TEX48: variants seen among roughly 807,000 people sequenced by gnomAD.
The protein encoded by TEX48 is testis-expressed protein 48.
In TEX48, 10 loss-of-function variants were observed where a neutral mutation model predicts 13.2. The observed-to-expected ratio is 0.75, with a 90% CI of 0.47 to 1.28. The LOEUF is 1.28. TEX48 is among the 50% of genes most tolerant of loss of function. The pLI is 0.00. For synonymous variants in TEX48, 45 were observed against 52.3 expected (o/e 0.86, Z 0.60); for missense variants, 116 against 139.4 (o/e 0.83, Z 0.84).
At position 114,666,582 on chromosome 9, in the gene TEX48, G is replaced by T; in HGVS notation, c.*61C>A. ...TTCCGAATTAGTCTTCATGACTCCT[G>T]TCCACCGCCCTCTTCCTCATGGAGA... On this transcript the variant is annotated 3_prime_UTR_variant, in exon 5 of 5. Transcript: ENST00000436752. 1 of 953,944 alleles carries T rather than the reference G, an allele frequency of 1.0e-6. No individual in the cohort carries two copies. The highest frequency in any genetic ancestry group is 1.5e-6 in the Non-Finnish European group (1 of 648,726). 59.1% of individuals were successfully genotyped at this position (953,944 alleles called of 1,614,324 possible).
rs1400430611 is a variant in TEX48 at position 114,671,805 on chromosome 9, A to T, written c.-82T>A. 10 of 1,462,126 alleles carry T rather than the reference A, an allele frequency of 6.8e-6. No individual in the cohort carries two copies. The highest frequency in any genetic ancestry group is 8.3e-6 in the Non-Finnish European group (9 of 1,080,118). 90.6% of individuals were successfully genotyped at this position (1,462,126 alleles called of 1,614,324 possible). On this transcript the variant is annotated 5_prime_UTR_variant, in exon 2 of 5. Transcript: ENST00000436752. ...ATCAGCCAGTCTTGAGTTTGAGCCC[A>T]GTTCACTGGGCTGGGCTGTTTCCTA...
chr9:114,676,526 C>T (rs1828070371), intron 1 of TEX48, among the ~76,000 whole-genome samples: 1 of 151,770 alleles, frequency 6.6e-6, no homozygotes, highest in Non-Finnish European at 1.5e-5. Flanking sequence ...GAAAACCTGC[C>T]ATGTTCCAGG....
intron 1 of TEX48, among the ~76,000 whole-genome samples, chr9:114,672,574 A>G (rs1827968389): frequency 6.6e-6 from 1 of 152,210 alleles, no homozygotes; most frequent in African/African-American, 2.4e-5. Context: ...CATTATAGGC[A>G]CTTGAGTCCC....
chr9:114,666,983 G>A (rs1827853415), intron 4 of TEX48, among the ~76,000 whole-genome samples: 2 of 152,172 alleles, frequency 1.3e-5, no homozygotes, highest in African/African-American at 4.8e-5. Context: ...GTCTTGCAAA[G>A]CACAGTGATA....
intron 1 of TEX48, among the ~76,000 whole-genome samples, chr9:114,680,197 G>A (rs1024160897): frequency 6.9e-6 from 1 of 145,752 alleles, no homozygotes; most frequent in African/African-American, 2.6e-5. Context: ...GTGCGATCTC[G>A]GGTCACTGCA....
Position 114,668,238 on chromosome 9 carries a change from T to C in TEX48, c.227A>G (p.Lys76Arg). 1 of 1,535,684 alleles carries C rather than the reference T, an allele frequency of 6.5e-7. No homozygotes were observed. Among genetic ancestry groups the C allele is most frequent in the Non-Finnish European group, 8.7e-7 (1 of 1,146,878 alleles). ...CTCACTGCTGCTGGAGGAAGTGCTCTTTTTTGTCTGGATCAGGGGTGTTCT... is the reference window on the plus strand; with the variant it reads ...CTCACTGCTGCTGGAGGAAGTGCTCCTTTTTGTCTGGATCAGGGGTGTTCT... ...PSRTPLIQTK[K>R]STSSSSSEFE... The change falls in exon 4 of 5, where the codon AAG (lysine) becomes AGG (arginine). Residue 76 changes from lysine to arginine, a missense_variant. Physicochemically the swap from Lys to Arg is conservative, Grantham distance 26. Coordinates refer to ENST00000436752, the MANE Select transcript of TEX48 (RefSeq NM_001199233.2).
At chr9:114,674,792 C>T (rs1828031155) in intron 1 of TEX48, among the ~76,000 whole-genome samples, 1 of 151,600 alleles carries the variant, frequency 6.6e-6, no homozygotes, top group African/African-American at 2.4e-5. Context: ...CCTGCCTCAG[C>T]CTCCTGAGTA....
intron 1 of TEX48, among the ~76,000 whole-genome samples, chr9:114,676,248 C>T (rs749913744): frequency 3.9e-5 from 6 of 152,182 alleles, no homozygotes; most frequent in Non-Finnish European, 7.3e-5. Context: ...ACTCCAGCCT[C>T]ATCCTCCCAG....
chr9:114,668,349 A>G lies in TEX48; in HGVS notation c.128-12T>C. 6.5e-7 allele frequency: 1 copy of G among 1,535,480 alleles called. No individual in the cohort carries two copies. Among genetic ancestry groups the G allele is most frequent in the Non-Finnish European group, 8.7e-7 (1 of 1,146,752 alleles). Reference sequence around the variant, plus strand: ...CTGAAGCAGCAAATCTGGCAATGAGAATTCCACAGGGTCACGTGGGGGAGG... The same window carrying G: ...CTGAAGCAGCAAATCTGGCAATGAGGATTCCACAGGGTCACGTGGGGGAGG... On this transcript the variant is annotated splice_polypyrimidine_tract_variant and intron_variant, in intron 3 of 4. Coordinates refer to ENST00000436752, the MANE Select transcript of TEX48 (RefSeq NM_001199233.2).
At position 114,682,110 on chromosome 9, in the gene TEX48, A is replaced by G. The variant is rs1075372; in HGVS notation, c.-180T>C. 0.58 allele frequency: 87,614 copies of G among 152,322 alleles called. 25,480 individuals are homozygous for G. The highest frequency in any genetic ancestry group is 0.64 in the African/African-American group (26,701 of 41,398). The allele number at this position is 152,322 out of a possible 1,614,324, so 9.4% of individuals were successfully genotyped here. ...GGAACCAGGGAATGTTGGGGCTGGG[A>G]TGTTTGGACTGGACCACAACAGCGA... On this transcript the variant is annotated 5_prime_UTR_variant, in exon 1 of 5. Coordinates refer to ENST00000436752, the MANE Select transcript of TEX48 (RefSeq NM_001199233.2).
rs766309582 is a variant in TEX48 at position 114,669,283 on chromosome 9, A to T, written c.128-946T>A. 2.6e-5 allele frequency among the ~76,000 whole-genome samples: 4 copies of T among 151,916 alleles called. No homozygotes were observed. In the East Asian group the frequency reaches 7.7e-4, roughly 29 times the overall value. On this transcript the variant is annotated intron_variant, in intron 3 of 4. Transcript: ENST00000436752. The stretch of plus-strand genomic sequence containing the variant: ...AGTTCCAATGTTGTATTATTTATTT[A>T]TTTATTTATTTTTTTGAGAGAATCT...
chr9:114,668,958 C>T (rs1002660797), intron 3 of TEX48, among the ~76,000 whole-genome samples: 1 of 151,682 alleles, frequency 6.6e-6, no homozygotes, highest in African/African-American at 2.4e-5. Context: ...TGCCTCAGCC[C>T]CCCGAGTAGC....
rs140318606 is a variant in TEX48, at chr9:114,680,346, C to G, written c.-105+1689G>C. Among the ~76,000 whole-genome samples, 16 of 152,042 alleles carry G rather than the reference C, an allele frequency of 1.1e-4. No homozygotes were observed. The East Asian group carries it at 3.1e-3, about 29-fold the overall frequency. ...TCCCCATGTTGGGTCAGGCTGGTCT[C>G]GAACTCCTGACCTCAGGTGATCTGC... On this transcript the variant is annotated intron_variant, in intron 1 of 4. Coordinates refer to ENST00000436752, the MANE Select transcript of TEX48 (RefSeq NM_001199233.2).
At chr9:114,677,621 A>T (rs753324327) in intron 1 of TEX48, among the ~76,000 whole-genome samples, 12 of 152,216 alleles carry the variant, frequency 7.9e-5, no homozygotes, top group Non-Finnish European at 8.8e-5. Flanking sequence ...ACAAGCCCCC[A>T]CCATGAGTCA....
intron 1 of TEX48, among the ~76,000 whole-genome samples, chr9:114,674,011 G>T (rs1393447418): frequency 6.6e-6 from 1 of 151,994 alleles, no homozygotes; most frequent in Non-Finnish European, 1.5e-5. Flanking sequence ...TCCCTATATA[G>T]CCCAGGCTGG....
At chr9:114,673,291 G>A (rs1757931840) in intron 1 of TEX48, among the ~76,000 whole-genome samples, 1 of 151,992 alleles carries the variant, frequency 6.6e-6, no homozygotes, top group Admixed American at 6.6e-5. Context: ...TGACCAACAT[G>A]GAGAAACCCC....
At chr9:114,679,268 G>A (rs1828139058) in intron 1 of TEX48, among the ~76,000 whole-genome samples, 2 of 149,892 alleles carry the variant, frequency 1.3e-5, no homozygotes, top group South Asian at 4.3e-4. Context: ...ATGTTAACTA[G>A]AAATCGAGAT....
Position 114,666,614 on chromosome 9 carries a change from A to G in TEX48, c.*29T>C. ...GCCCTCTTCCTCATGGAGATGCCCC[A>G]GCAGCTGTGCAGCCGCCGGCTAGAA... is the stretch of plus-strand genomic sequence containing the variant. On this transcript the variant is annotated 3_prime_UTR_variant, in exon 5 of 5. Coordinates refer to ENST00000436752, the MANE Select transcript of TEX48 (RefSeq NM_001199233.2). 7.6e-7 allele frequency: 1 copy of G among 1,315,426 alleles called. No individual in the cohort carries two copies. Among genetic ancestry groups the G allele is most frequent in the South Asian group, 1.3e-5 (1 of 77,134 alleles). 81.5% of individuals were successfully genotyped at this position (1,315,426 alleles called of 1,614,324 possible). A position where few individuals can be genotyped will look rare whatever the true frequency, so the allele number is the denominator to read the frequency against.
chr9:114,672,487 A>G (rs1456461648), intron 1 of TEX48, among the ~76,000 whole-genome samples: 1 of 152,170 alleles, frequency 6.6e-6, no homozygotes, highest in Non-Finnish European at 1.5e-5. Context: ...ACCCTCTTTA[A>G]AAGGAAATTC....
Sources: allele counts gnomAD v4.1 joint callset (sites outside exome capture counted in the v4.1 genomes callset), GRCh38; gene constraint gnomAD v4.1.1; transcripts MANE v1.5; gene names NCBI Gene and HGNC (gene_info 2026-07-23, HGNC 2026-07-21).